The following PIK3CD variants were observed in gnomAD, a reference collection of about 807,000 sequenced individuals.
PIK3CD encodes phosphatidylinositol 4,5-bisphosphate 3-kinase catalytic subunit delta isoform.
A neutral mutation model predicts 122.9 loss-of-function variants in PIK3CD; 20 were observed. The ratio of observed to expected loss-of-function variants is 0.16; its 90% confidence interval spans 0.11 to 0.24. The LOEUF (loss-of-function observed/expected upper bound fraction) is 0.24, where lower values mean the gene tolerates loss of function less well. Ranked by LOEUF, PIK3CD falls within the 10% of genes least tolerant of loss-of-function variation. The probability of loss-of-function intolerance (pLI) is 1.00; values close to 1 mark genes in which losing one functional copy is unlikely to be tolerated. For missense variants in PIK3CD, 787 were observed against 1,406.3 expected (o/e 0.56, Z 7.04); for synonymous variants, 596 against 593.4 (o/e 1.00, Z -0.06).
chr1:9,718,446 C>T lies in PIK3CD; in HGVS notation c.1021-248C>T, dbSNP rs376656436. On this transcript the variant is annotated intron_variant, in intron 8 of 23. Transcript: ENST00000377346. This position sits in a 1 kb window ranked among gnomAD's most constrained non-coding sequence, Gnocchi z 7.2. ...ACTGAGGCCTGGAGTGGGGAATGGA[C>T]ATGCCCCGAGGTCCCCAGAGTTGGG... is the stretch of plus-strand genomic sequence containing the variant. Among the ~76,000 whole-genome samples, 3 of 152,196 alleles carry T rather than the reference C, an allele frequency of 2.0e-5. No individual in the cohort carries two copies. Among genetic ancestry groups the T allele is most frequent in the South Asian group, 4.1e-4 (2 of 4,824 alleles).
chr1:9,667,100 G>A (rs2100924776), intron 1 of PIK3CD, among the ~76,000 whole-genome samples: 1 of 152,220 alleles, frequency 6.6e-6, no homozygotes, highest in East Asian at 1.9e-4. Flanking sequence ...CTGAGCTCAG[G>A]TAATCTGCTC....
At chr1:9,706,716 A>T (rs1297107012) in intron 2 of PIK3CD, among the ~76,000 whole-genome samples, 1 of 152,086 alleles carries the variant, frequency 6.6e-6, no homozygotes, top group Admixed American at 6.6e-5. Context: ...TAAAATGACT[A>T]TCTTGTGGCT....
At chr1:9,684,883 T>A (rs1645908733) in intron 1 of PIK3CD, among the ~76,000 whole-genome samples, 1 of 148,494 alleles carries the variant, frequency 6.7e-6, no homozygotes. Context: ...GAAAAAAGAA[T>A]GAGCAATGCA....
At position 9,723,894 on chromosome 1, in the gene PIK3CD, G is replaced by A; in HGVS notation, c.2595-75G>A. 7.3e-7 allele frequency: 1 copy of A among 1,364,030 alleles called. No homozygotes were observed. Among genetic ancestry groups the A allele is most frequent in the South Asian group, 1.2e-5 (1 of 84,484 alleles). 84.5% of individuals were successfully genotyped at this position (1,364,030 alleles called of 1,614,324 possible). ...TCACAGGGCCAGATTCAAGGGGAGA[G>A]GGAGTAATAACCCACCTCTTGATAG... On this transcript the variant is annotated intron_variant, in intron 20 of 23. Transcript: ENST00000377346. The surrounding 1 kb of genome is among the most constrained non-coding windows in gnomAD (Gnocchi z 4.9).
At position 9,723,843 on chromosome 1, in the gene PIK3CD, C is replaced by T. The variant is rs1489201431; in HGVS notation, c.2595-126C>T. On this transcript the variant is annotated intron_variant, in intron 20 of 23. Coordinates refer to ENST00000377346, the MANE Select transcript of PIK3CD (RefSeq NM_005026.5). This position sits in a 1 kb window ranked among gnomAD's most constrained non-coding sequence, Gnocchi z 4.9. The stretch of plus-strand genomic sequence containing the variant: ...TGCAAGCGATGTCCAGCATTGTGTC[C>T]TCCATGTTCTGTTGGTCAAAGCAAG... The T allele has an allele frequency of 1.2e-6, 1 of 848,356 alleles. No homozygotes were observed. The highest frequency in any genetic ancestry group is 1.7e-5 in the African/African-American group (1 of 59,736). The allele number at this position is 848,356 out of a possible 1,614,324, so 52.6% of individuals were successfully genotyped here. A position where few individuals can be genotyped will look rare whatever the true frequency, so the allele number is the denominator to read the frequency against.
At chr1:9,660,166 C>A (rs1026676603) in intron 1 of PIK3CD, among the ~76,000 whole-genome samples, 1 of 152,246 alleles carries the variant, frequency 6.6e-6, no homozygotes, top group Non-Finnish European at 1.5e-5. Flanking sequence ...GCTCGCTCGG[C>A]CTCCCAAAGT....
chr1:9,716,337 C>A, intron 5 of PIK3CD, 103 bp from the exon 6 acceptor site: 1 of 1,113,826 alleles, frequency 9.0e-7, no homozygotes, highest in Non-Finnish European at 1.4e-6. Flanking sequence ...CATTTGTGAA[C>A]TCCCCAGACC....
At chr1:9,726,152 G>A (rs187453622) in intron 23 of PIK3CD, among the ~76,000 whole-genome samples, 8 of 152,260 alleles carry the variant, frequency 5.3e-5, no homozygotes, top group Non-Finnish European at 1.2e-4. Flanking sequence ...GACTGAGGCT[G>A]CAGTAAGCCT....
chr1:9,721,592 C>T lies in PIK3CD; in HGVS notation c.1955+5C>T, dbSNP rs201785210. On this transcript the variant is annotated splice_donor_5th_base_variant and intron_variant, in intron 15 of 23. Coordinates refer to ENST00000377346, the MANE Select transcript of PIK3CD (RefSeq NM_005026.5). ...CTTCCTTTTCTGGCACCTCCGGTAG[C>T]GGGACTTGCCCCAGCCGTTCTGTGG... 3.0e-5 allele frequency: 48 copies of T among 1,612,678 alleles called. 1 individual carries two copies. The Middle Eastern group carries it at 2.0e-3, about 68-fold the overall frequency.
At position 9,722,733 on chromosome 1, in the gene PIK3CD, C is replaced by T. The variant is rs1648882297; in HGVS notation, c.2426+127C>T. ...CGGGGAAAGGGCTTTCCTAGGAAGA[C>T]CCGGAGGCGGTTTAACTCTAGGCCA... is the stretch of plus-strand genomic sequence containing the variant. On this transcript the variant is annotated intron_variant, in intron 19 of 23. Coordinates refer to ENST00000377346, the MANE Select transcript of PIK3CD (RefSeq NM_005026.5). This position sits in a 1 kb window ranked among gnomAD's most constrained non-coding sequence, Gnocchi z 7.6. The T allele has an allele frequency of 4.7e-6, 4 of 842,810 alleles. No homozygotes were observed. The highest frequency in any genetic ancestry group is 7.9e-6 in the Non-Finnish European group (4 of 505,292). 52.2% of individuals were successfully genotyped at this position (842,810 alleles called of 1,614,324 possible).
intron 3 of PIK3CD, among the ~76,000 whole-genome samples, chr1:9,712,742 A>T (rs1647105812): frequency 6.6e-6 from 1 of 152,294 alleles, no homozygotes; most frequent in South Asian, 2.1e-4. Flanking sequence ...GACACATTAC[A>T]ATTTAGGAAA....
chr1:9,704,712 C>T lies in PIK3CD; in HGVS notation c.-32-5712C>T, dbSNP rs778137882. Among the ~76,000 whole-genome samples the T allele has an allele frequency of 4.6e-5, 7 of 152,096 alleles. No homozygotes were observed. Among genetic ancestry groups the T allele is most frequent in the Non-Finnish European group, 8.8e-5 (6 of 68,014 alleles). On this transcript the variant is annotated intron_variant, in intron 2 of 23. Transcript: ENST00000377346. This position sits in a 1 kb window ranked among gnomAD's most constrained non-coding sequence, Gnocchi z 5.0. Reference sequence around the variant, plus strand: ...ATTTTGTGTAGAGACAGGGTTTTACCATGTTTCGCAGGCTGGTCACCAATG... The same window carrying T: ...ATTTTGTGTAGAGACAGGGTTTTACTATGTTTCGCAGGCTGGTCACCAATG...
chr1:9,673,626 C>G (rs955606642), intron 1 of PIK3CD, among the ~76,000 whole-genome samples: 2 of 151,964 alleles, frequency 1.3e-5, no homozygotes, highest in East Asian at 3.9e-4. Flanking sequence ...TGGTCTCGAA[C>G]TCCTGGGCTC....
At chr1:9,706,823 CT>C (rs201679729) in intron 2 of PIK3CD, among the ~76,000 whole-genome samples, 13 of 137,654 alleles carry the variant, frequency 9.4e-5, no homozygotes, top group South Asian at 2.3e-4. Flanking sequence ...TTACTTTTTT[CT>C]TTTTTTTTTG....
chr1:9,699,882 C>T (rs1007262172), intron 2 of PIK3CD, among the ~76,000 whole-genome samples: 3 of 152,176 alleles, frequency 2.0e-5, no homozygotes, highest in Non-Finnish European at 2.9e-5. Flanking sequence ...CGTGAGCCAC[C>T]GCCCCCGGCC....
chr1:9,664,049 CTT>C (rs754341558), intron 1 of PIK3CD, among the ~76,000 whole-genome samples: 2,465 of 101,602 alleles, frequency 0.024, 40 homozygotes, highest in African/African-American at 0.097. Context: ...TTCTTTCTTT[CTT>C]TTTTTTTTTT....
chr1:9,713,042 G>T (rs1032113074), intron 3 of PIK3CD, among the ~76,000 whole-genome samples: 4 of 152,168 alleles, frequency 2.6e-5, no homozygotes, highest in Non-Finnish European at 4.4e-5. Flanking sequence ...AATTAGCCAG[G>T]TGTGGTGGTA....
upstream of PIK3CD, among the ~76,000 whole-genome samples, chr1:9,650,058 A>G (rs1227949501): frequency 2.6e-5 from 4 of 152,186 alleles, no homozygotes; most frequent in East Asian, 7.7e-4. Flanking sequence ...AAAATACAAG[A>G]CTGGATGAAG....
intron 2 of PIK3CD, among the ~76,000 whole-genome samples, chr1:9,703,500 C>T (rs1454174095): frequency 1.3e-5 from 2 of 152,202 alleles, no homozygotes; most frequent in Non-Finnish European, 2.9e-5. Context: ...CTCCCATGCG[C>T]CCTTCTAGTC....
Sources: allele counts gnomAD v4.1 joint callset (sites outside exome capture counted in the v4.1 genomes callset), GRCh38; gene constraint gnomAD v4.1.1; non-coding constraint Gnocchi (gnomAD v3.1); transcripts MANE v1.5; gene names NCBI Gene and HGNC (gene_info 2026-07-23, HGNC 2026-07-21).